CAMK4: variants seen among roughly 807,000 people sequenced by gnomAD.
CAMK4 encodes the protein calcium/calmodulin-dependent protein kinase type IV.
CAMK4 carries 22 observed loss-of-function variants against 44.9 expected under a neutral mutation model. The observed-to-expected ratio is 0.49, with a 90% confidence interval of 0.35 to 0.70. The LOEUF (loss-of-function observed/expected upper bound fraction) is 0.70, where lower values mean the gene tolerates loss of function less well. Among genes scored for constraint, CAMK4 ranks in the 30% least tolerant of loss-of-function variants. The pLI, the probability that CAMK4 is intolerant of heterozygous loss-of-function variation, is 0.01. For synonymous variants in CAMK4, 218 were observed against 215.4 expected (o/e 1.01, Z -0.11); for missense variants, 498 against 586.8 (o/e 0.85, Z 1.56).
chr5:111,415,782 C>T (rs1040912748), intron 5 of CAMK4, among the ~76,000 whole-genome samples: 6 of 152,038 alleles, frequency 3.9e-5, no homozygotes, highest in Non-Finnish European at 7.4e-5. Context: ...GGTTCCACAT[C>T]CATGGATCCA....
chr5:111,362,279 A>G (rs1750623378), intron 2 of CAMK4, among the ~76,000 whole-genome samples: 1 of 152,114 alleles, frequency 6.6e-6, no homozygotes, highest in Non-Finnish European at 1.5e-5. Context: ...AAAAATGTAC[A>G]GACAAGGATG....
chr5:111,379,534 C>A (rs570129231), intron 4 of CAMK4, among the ~76,000 whole-genome samples: 1 of 152,038 alleles, frequency 6.6e-6, no homozygotes, highest in Non-Finnish European at 1.5e-5. Flanking sequence ...CTTGGTCTCT[C>A]CATTAAGTTA....
chr5:111,338,259 T>G (rs564201016), intron 1 of CAMK4, among the ~76,000 whole-genome samples: 1 of 151,214 alleles, frequency 6.6e-6, no homozygotes, highest in East Asian at 1.9e-4. Context: ...TAAGAACTAC[T>G]CAGTAATTTT....
At chr5:111,301,372 T>C (rs1270597723) in intron 1 of CAMK4, among the ~76,000 whole-genome samples, 2 of 152,150 alleles carry the variant, frequency 1.3e-5, no homozygotes, top group African/African-American at 4.8e-5. Flanking sequence ...AATTGACAAA[T>C]AAAGAATAAT....
At chr5:111,433,415 G>T (rs1340861659) in intron 5 of CAMK4, among the ~76,000 whole-genome samples, 1 of 152,190 alleles carries the variant, frequency 6.6e-6, no homozygotes, top group Non-Finnish European at 1.5e-5. Flanking sequence ...ATAGTCTTAG[G>T]ATAGTCATGC....
At chr5:111,231,156 C>T (rs2112495751) in intron 1 of CAMK4, among the ~76,000 whole-genome samples, 1 of 152,160 alleles carries the variant, frequency 6.6e-6, no homozygotes, top group East Asian at 1.9e-4. Context: ...GGATGTGGAC[C>T]CTTCAATACA....
At chr5:111,401,656 C>T (rs1000069608) in intron 5 of CAMK4, among the ~76,000 whole-genome samples, 2 of 152,042 alleles carry the variant, frequency 1.3e-5, no homozygotes, top group African/African-American at 2.4e-5. Context: ...TAGCTTTTTA[C>T]ATAGGAAATC....
intron 1 of CAMK4, among the ~76,000 whole-genome samples, chr5:111,274,057 C>T (rs1487715642): frequency 1.3e-5 from 2 of 152,066 alleles, no homozygotes; most frequent in African/African-American, 4.8e-5. Flanking sequence ...CTTACCCACT[C>T]CTTTCTGCTC....
intron 7 of CAMK4, among the ~76,000 whole-genome samples, chr5:111,451,733 A>C (rs886192685): frequency 1.8e-4 from 28 of 152,242 alleles, no homozygotes; most frequent in Admixed American, 3.3e-4. Flanking sequence ...GTGAAAAAAA[A>C]AACAACAACA....
chr5:111,244,721 C>T (rs1003474411), intron 1 of CAMK4, among the ~76,000 whole-genome samples: 5 of 152,036 alleles, frequency 3.3e-5, no homozygotes, highest in African/African-American at 7.2e-5. Context: ...ATTAGCCGGG[C>T]ATGGTGGTGC....
chr5:111,230,682 A>G (rs1163684114), intron 1 of CAMK4, among the ~76,000 whole-genome samples: 1 of 152,142 alleles, frequency 6.6e-6, no homozygotes, highest in Non-Finnish European at 1.5e-5. Flanking sequence ...TCTTGTAAAC[A>G]CTTTACCCTC....
intron 1 of CAMK4, among the ~76,000 whole-genome samples, chr5:111,312,649 A>G (rs1748257009): frequency 6.6e-6 from 1 of 152,154 alleles, no homozygotes; most frequent in Non-Finnish European, 1.5e-5. Flanking sequence ...AATGAATGAT[A>G]CTTCAACCAC....
intron 1 of CAMK4, among the ~76,000 whole-genome samples, chr5:111,295,808 G>C (rs533139678): frequency 1.3e-5 from 2 of 152,166 alleles, no homozygotes; most frequent in Non-Finnish European, 2.9e-5. Context: ...GGGGAACAAG[G>C]ACAATTTGAA....
At chr5:111,421,200 G>A (rs545258078) in intron 5 of CAMK4, among the ~76,000 whole-genome samples, 7 of 152,252 alleles carry the variant, frequency 4.6e-5, no homozygotes, top group African/African-American at 1.2e-4. Flanking sequence ...CTGACTTCCC[G>A]CAACAATATC....
intron 5 of CAMK4, among the ~76,000 whole-genome samples, chr5:111,402,262 G>A (rs1194552565): frequency 6.6e-6 from 1 of 152,238 alleles, no homozygotes; most frequent in East Asian, 1.9e-4. Flanking sequence ...GCATCATAAA[G>A]TGGAAGAATG....
intron 1 of CAMK4, among the ~76,000 whole-genome samples, chr5:111,330,433 A>G (rs144676920): frequency 1.5e-3 from 224 of 151,784 alleles, no homozygotes; most frequent in African/African-American, 4.9e-3. Flanking sequence ...TATAGATTCA[A>G]TATAATCCTA....
At chr5:111,414,463 AAAC>A (rs1752744798) in intron 5 of CAMK4, among the ~76,000 whole-genome samples, 1 of 152,188 alleles carries the variant, frequency 6.6e-6, no homozygotes, top group Non-Finnish European at 1.5e-5. Context: ...AATCAACACC[AAAC>A]ATCAGCATCT....
rs1755755399 is a variant in CAMK4, at chr5:111,489,867, G to T, written c.*5401G>T. 1 of 152,142 alleles carries T rather than the reference G, an allele frequency of 6.6e-6. No individual in the cohort carries two copies. The highest frequency in any genetic ancestry group is 1.5e-5 in the Non-Finnish European group (1 of 68,034). The allele number at this position is 152,142 out of a possible 1,614,324, so 9.4% of individuals were successfully genotyped here. On this transcript the variant is annotated 3_prime_UTR_variant, in exon 11 of 11. Coordinates refer to ENST00000282356, the MANE Select transcript of CAMK4 (RefSeq NM_001744.6). ...ATGCCTTATCCCAGATCAGTGTTTTGTTCCATCCCTATGGTCATCTCTAAA... is the reference window on the plus strand; with the variant it reads ...ATGCCTTATCCCAGATCAGTGTTTTTTTCCATCCCTATGGTCATCTCTAAA...
intron 5 of CAMK4, among the ~76,000 whole-genome samples, chr5:111,430,339 G>C (rs2112937669): frequency 6.6e-6 from 1 of 152,218 alleles, no homozygotes; most frequent in Non-Finnish European, 1.5e-5. Flanking sequence ...ATATATGACT[G>C]ACCCACAGCT....
Sources: allele counts gnomAD v4.1 joint callset (sites outside exome capture counted in the v4.1 genomes callset), GRCh38; gene constraint gnomAD v4.1.1; transcripts MANE v1.5; gene names NCBI Gene and HGNC (gene_info 2026-07-23, HGNC 2026-07-21).